Variants in CD2AP observed in about 807,000 individuals in gnomAD.
CD2AP encodes the protein CD2-associated protein.
In CD2AP, 46 loss-of-function variants were observed where a neutral mutation model predicts 85.1. The ratio of observed to expected loss-of-function variants is 0.54; its 90% CI spans 0.43 to 0.69. The LOEUF is 0.69. CD2AP is among the 30% of genes least tolerant of loss of function. The pLI is 0.00. For missense variants in CD2AP, 769 were observed against 729.5 expected, an observed-to-expected ratio of 1.05 and a Z score of -0.62; for synonymous variants, 255 against 252.9, an observed-to-expected ratio of 1.01 and a Z score of -0.08.
At chr6:47,606,499 G>C (rs1431636059) in intron 14 of CD2AP, among the ~76,000 whole-genome samples, 1 of 151,940 alleles carries the variant, frequency 6.6e-6, no homozygotes, top group Non-Finnish European at 1.5e-5. Context: ...ATTATCATGA[G>C]GCTATAGCCA....
At chr6:47,608,877 A>C (rs1024524450) in intron 15 of CD2AP, among the ~76,000 whole-genome samples, 2 of 151,994 alleles carry the variant, frequency 1.3e-5, no homozygotes, top group Non-Finnish European at 2.9e-5. Context: ...CATTTGATGG[A>C]TTTTTCTTTC....
chr6:47,588,226 G>C (rs1768682918), intron 11 of CD2AP, among the ~76,000 whole-genome samples: 2 of 152,050 alleles, frequency 1.3e-5, no homozygotes, highest in South Asian at 4.2e-4. Context: ...TTAAAAGTAG[G>C]TATTTCTCAT....
chr6:47,619,151 T>A (rs1769678100), intron 17 of CD2AP, among the ~76,000 whole-genome samples: 2 of 152,162 alleles, frequency 1.3e-5, no homozygotes, highest in Non-Finnish European at 2.9e-5. Context: ...TGGTGATTTG[T>A]GAGATTTTAG....
intron 2 of CD2AP, among the ~76,000 whole-genome samples, chr6:47,531,224 G>A (rs1766866150): frequency 6.6e-6 from 1 of 151,972 alleles, no homozygotes; most frequent in Admixed American, 6.5e-5. Flanking sequence ...CACCATTATT[G>A]TCTCAGTCCT....
At chr6:47,502,895 T>C (rs1766033829) in intron 1 of CD2AP, among the ~76,000 whole-genome samples, 1 of 152,098 alleles carries the variant, frequency 6.6e-6, no homozygotes, top group Non-Finnish European at 1.5e-5. Flanking sequence ...TGGTTAGAAG[T>C]CAGTCACAGG....
At chr6:47,593,325 T>A (rs1768852557) in intron 11 of CD2AP, among the ~76,000 whole-genome samples, 2 of 151,998 alleles carry the variant, frequency 1.3e-5, no homozygotes, top group South Asian at 4.1e-4. Flanking sequence ...ATGGGAGAAA[T>A]CTTATGAGAT....
At chr6:47,520,450 C>A (rs947240137) in intron 2 of CD2AP, among the ~76,000 whole-genome samples, 1 of 152,186 alleles carries the variant, frequency 6.6e-6, no homozygotes, top group Non-Finnish European at 1.5e-5. Flanking sequence ...TCCATCGATA[C>A]CTGCCTTGGC....
At chr6:47,484,815 A>AT (rs1424497698) in intron 1 of CD2AP, among the ~76,000 whole-genome samples, 4 of 152,148 alleles carry the variant, frequency 2.6e-5, no homozygotes, top group Non-Finnish European at 5.9e-5. Flanking sequence ...CAGCGTCCAG[A>AT]TAATTCCAAG....
At chr6:47,576,387 CTAAG>C in intron 6 of CD2AP, 133 bp from the exon 7 acceptor site, 1 of 683,416 alleles carries the variant, frequency 1.5e-6, no homozygotes, top group Non-Finnish European at 2.6e-6. Context: ...TGTTTCATTG[CTAAG>C]TTTTCAGTCA....
At chr6:47,535,918 G>C (rs879533921) in intron 3 of CD2AP, among the ~76,000 whole-genome samples, 62 of 152,146 alleles carry the variant, frequency 4.1e-4, no homozygotes, top group Non-Finnish European at 5.1e-4. Flanking sequence ...AGACAAAGAG[G>C]TTGAAGGTTC....
At chr6:47,489,321 C>T (rs1051601445) in intron 1 of CD2AP, among the ~76,000 whole-genome samples, 1 of 151,966 alleles carries the variant, frequency 6.6e-6, no homozygotes, top group African/African-American at 2.4e-5. Context: ...GCACCTGCTA[C>T]CACGCCTGAC....
intron 1 of CD2AP, among the ~76,000 whole-genome samples, chr6:47,493,540 T>C (rs928793608): frequency 6.6e-6 from 1 of 152,064 alleles, no homozygotes. Flanking sequence ...CATCTAGGTG[T>C]AGTTTTTTTT....
rs145935021 is a variant in CD2AP, at chr6:47,510,664, C to T, written c.165+7224C>T. 9.9e-5 allele frequency among the ~76,000 whole-genome samples: 15 copies of T among 152,120 alleles called. No homozygotes were observed. In the East Asian group the frequency reaches 2.7e-3, roughly 27 times the overall value. ...ATAAATAAATGGTTGAATAAATAAA[C>T]GGGAGAAAGGATAAATTGAAACAAA... is the stretch of plus-strand genomic sequence containing the variant. On this transcript the variant is annotated intron_variant, in intron 2 of 17. Coordinates refer to ENST00000359314, the MANE Select transcript of CD2AP (RefSeq NM_012120.3).
chr6:47,554,662 G>A lies in CD2AP; in HGVS notation c.437G>A (p.Trp146Ter). Reference protein sequence around the residue: ...DINEEVEEGWWSGTLNNKLGL... With the variant: ...DINEEVEEGW ...CTTTTTCAGGTAGAAGAAGGCTGGT[G>A]GAGTGGAACCCTGAATAACAAGTTG... Residue 146 changes from tryptophan (W) to a stop codon, truncating the protein, a stop_gained, in exon 5 of 18, where the codon TGG (tryptophan) becomes TAG (stop). Coordinates refer to ENST00000359314, the MANE Select transcript of CD2AP (RefSeq NM_012120.3). LOFTEE classifies it high-confidence loss of function. 6.2e-7 allele frequency: 1 copy of A among 1,613,656 alleles called. No individual in the cohort carries two copies. The highest frequency in any genetic ancestry group is 8.5e-7 in the Non-Finnish European group (1 of 1,179,732).
At chr6:47,562,266 T>G (rs1432464202) in intron 5 of CD2AP, among the ~76,000 whole-genome samples, 2 of 152,192 alleles carry the variant, frequency 1.3e-5, no homozygotes, top group Non-Finnish European at 2.9e-5. Flanking sequence ...AAAACCAACA[T>G]GAATTTAGTG....
intron 1 of CD2AP, among the ~76,000 whole-genome samples, chr6:47,482,208 G>A (rs1316374935): frequency 6.6e-6 from 1 of 152,074 alleles, no homozygotes; most frequent in Non-Finnish European, 1.5e-5. Flanking sequence ...TTGAATCACT[G>A]GCAAAAGTAA....
intron 2 of CD2AP, among the ~76,000 whole-genome samples, chr6:47,513,143 C>CTTTTT (rs34297362): frequency 5.9e-5 from 8 of 136,356 alleles, no homozygotes; most frequent in Non-Finnish European, 8.1e-5. Flanking sequence ...ATCTGAATAC[C>CTTTTT]TTTTTTTTTT....
Position 47,609,124 on chromosome 6 carries a change from CATCTGTGTACCTTTCA to C in CD2AP, c.1636_1651del (p.Ser546HisfsTer14). On this transcript the variant is annotated frameshift_variant and splice_region_variant, in exon 16 of 18. Transcript: ENST00000359314. LOFTEE classifies it high-confidence loss of function. Reference sequence around the variant, plus strand: ...GAAATTTTTTTTTTACGTTTTCAGCCATCTGTGTACCTTTCAACACCTTCCAGTGCTTCTAAAGCAA... The same window carrying C: ...GAAATTTTTTTTTTACGTTTTCAGCCACACCTTCCAGTGCTTCTAAAGCAA... 1 of 1,593,296 alleles carries C rather than the reference CATCTGTGTACCTTTCA, an allele frequency of 6.3e-7. No individual in the cohort carries two copies. Among genetic ancestry groups the C allele is most frequent in the Non-Finnish European group, 8.5e-7 (1 of 1,171,304 alleles).
intron 17 of CD2AP, among the ~76,000 whole-genome samples, chr6:47,621,837 G>A (rs1432618928): frequency 6.6e-6 from 1 of 152,088 alleles, no homozygotes; most frequent in Non-Finnish European, 1.5e-5. Flanking sequence ...GCATAATGAT[G>A]TTCATAGTAC....
Sources: gnomAD v4.1 joint callset for allele counts (sites outside exome capture counted in the v4.1 genomes callset) on GRCh38, gnomAD v4.1.1 for gene constraint, MANE v1.5 for transcripts, NCBI Gene and HGNC (gene_info 2026-07-23, HGNC 2026-07-21) for gene names.